Variants in OTUD7A observed in about 807,000 individuals in gnomAD.
OTUD7A encodes OTU deubiquitinase 7A.
A neutral mutation model predicts 65.7 loss-of-function variants in OTUD7A; 12 were observed. The observed-to-expected ratio is 0.18, with a 90% confidence interval of 0.12 to 0.30. The LOEUF (loss-of-function observed/expected upper bound fraction) is 0.30. Among genes scored for constraint, OTUD7A ranks in the 10% least tolerant of loss-of-function variants. The pLI is 1.00. For synonymous variants in OTUD7A, 641 were observed against 586.3 expected (o/e 1.09, Z -1.35); for missense variants, 1,148 against 1,304.8 (o/e 0.88, Z 1.85).
intron 5 of OTUD7A, among the ~76,000 whole-genome samples, chr15:31,544,667 T>C (rs370954856): frequency 1.3e-5 from 2 of 151,656 alleles, no homozygotes; most frequent in Non-Finnish European, 3.0e-5. Context: ...AAAAGATAAC[T>C]AAGGAAGAAA....
intron 1 of OTUD7A, among the ~76,000 whole-genome samples, chr15:31,765,048 A>G (rs1449897066): frequency 9.6e-6 from 1 of 104,168 alleles, no homozygotes; most frequent in Non-Finnish European, 2.7e-5. Flanking sequence ...CAGTTGCTAA[A>G]TAAATATCTT....
intron 5 of OTUD7A, among the ~76,000 whole-genome samples, chr15:31,544,866 T>A (rs533101616): frequency 6.6e-6 from 1 of 151,900 alleles, no homozygotes; most frequent in South Asian, 2.1e-4. Flanking sequence ...CAAGTGCACA[T>A]AGAATATTTA....
rs2041213268 is a variant in OTUD7A, at chr15:31,484,845, A to G, written c.1372-121T>C. On this transcript the variant is annotated intron_variant, in intron 12 of 12. Transcript: ENST00000307050. The surrounding 1 kb of genome is among the most constrained non-coding windows in gnomAD (Gnocchi z 4.5). ...TAGGGCCCTGGACCTTCACTGTCCCAGTCCCCACTGTCGCTCTGGTGACTG... is the reference window on the plus strand; with the variant it reads ...TAGGGCCCTGGACCTTCACTGTCCCGGTCCCCACTGTCGCTCTGGTGACTG... 1.1e-5 allele frequency: 16 copies of G among 1,458,150 alleles called. No individual in the cohort carries two copies. In the South Asian group the frequency reaches 2.0e-4, roughly 18 times the overall value. The allele number at this position is 1,458,150 out of a possible 1,614,324, so 90.3% of individuals were successfully genotyped here.
At chr15:31,572,884 CGAGTA>C (rs1889094308) in intron 3 of OTUD7A, among the ~76,000 whole-genome samples, 1 of 151,164 alleles carries the variant, frequency 6.6e-6, no homozygotes, top group African/African-American at 2.4e-5. Context: ...TGTTAGATAC[CGAGTA>C]TAGGTAAAAA....
At chr15:31,529,362 T>C (rs767778263) in intron 6 of OTUD7A, among the ~76,000 whole-genome samples, 18 of 152,158 alleles carry the variant, frequency 1.2e-4, no homozygotes, top group Admixed American at 1.3e-4. Flanking sequence ...ATTCTCAGAT[T>C]GTAAGGGAAA....
chr15:31,571,284 A>T (rs897305853), intron 3 of OTUD7A, among the ~76,000 whole-genome samples: 1 of 152,258 alleles, frequency 6.6e-6, no homozygotes, highest in Non-Finnish European at 1.5e-5. Context: ...AATAAAAATA[A>T]GCTCTCTTCT....
chr15:31,597,773 T>C (rs1889950253), intron 3 of OTUD7A, among the ~76,000 whole-genome samples: 1 of 147,714 alleles, frequency 6.8e-6, no homozygotes, highest in Non-Finnish European at 1.5e-5. Context: ...TTGGAGAAAC[T>C]GAATGACTTC....
intron 1 of OTUD7A, among the ~76,000 whole-genome samples, chr15:31,740,673 G>T (rs1449107679): frequency 6.6e-6 from 1 of 152,222 alleles, no homozygotes; most frequent in Non-Finnish European, 1.5e-5. Flanking sequence ...TACAAGAGGA[G>T]CTGGGTAGAG....
At chr15:31,548,708 A>C (rs1888216978) in intron 5 of OTUD7A, among the ~76,000 whole-genome samples, 1 of 152,204 alleles carries the variant, frequency 6.6e-6, no homozygotes, top group Non-Finnish European at 1.5e-5. Context: ...TCAAAAGCAT[A>C]GTTGCCATAG....
intron 1 of OTUD7A, among the ~76,000 whole-genome samples, chr15:31,765,465 T>A (rs1895072535): frequency 6.6e-6 from 1 of 152,176 alleles, no homozygotes; most frequent in Non-Finnish European, 1.5e-5. Context: ...CACAGCTCAG[T>A]TTTCAAAATT....
At chr15:31,592,602 G>T (rs1361340788) in intron 3 of OTUD7A, among the ~76,000 whole-genome samples, 1 of 151,620 alleles carries the variant, frequency 6.6e-6, no homozygotes, top group Non-Finnish European at 1.5e-5. Flanking sequence ...TATAAGTAGG[G>T]CCGCGCGGTG....
chr15:31,506,282 G>C (rs2041565258), intron 8 of OTUD7A, among the ~76,000 whole-genome samples: 1 of 151,234 alleles, frequency 6.6e-6, no homozygotes, highest in Non-Finnish European at 1.5e-5. Flanking sequence ...GGTCCTAATT[G>C]CTTAGCTATT....
In OTUD7A at chr15:31,511,041, C is replaced by T. The variant is rs188045679; in HGVS notation, c.894-7223G>A. Among the ~76,000 whole-genome samples, 55 of 13,842 alleles carry T rather than the reference C, an allele frequency of 4.0e-3. 20 individuals are homozygous for T. The African/African-American group carries it at 0.045, about 11-fold the overall frequency. The allele number at this position is 13,842 out of a possible 152,430, so 9.1% of individuals were successfully genotyped here. On this transcript the variant is annotated intron_variant, in intron 8 of 12. Coordinates refer to ENST00000307050, the MANE Select transcript of OTUD7A (RefSeq NM_001382637.1). Reference sequence around the variant, plus strand: ...TACATGTATATCTATATGTAACATACATGTATATCTATATGTAACATACAT... The same window carrying T: ...TACATGTATATCTATATGTAACATATATGTATATCTATATGTAACATACAT...
At chr15:31,803,536 G>A (rs1005580869) in intron 1 of OTUD7A, among the ~76,000 whole-genome samples, 4 of 152,164 alleles carry the variant, frequency 2.6e-5, no homozygotes, top group African/African-American at 9.7e-5. Flanking sequence ...TGAGAACACT[G>A]GGGGAAGCAC....
chr15:31,583,374 C>T (rs1314931542), intron 3 of OTUD7A, among the ~76,000 whole-genome samples: 1 of 152,172 alleles, frequency 6.6e-6, no homozygotes, highest in Non-Finnish European at 1.5e-5. Flanking sequence ...GAAGCACCTG[C>T]TTTGTAAATC....
intron 1 of OTUD7A, among the ~76,000 whole-genome samples, chr15:31,794,023 C>T (rs141973860): frequency 1.1e-3 from 163 of 152,300 alleles, no homozygotes; most frequent in African/African-American, 3.7e-3. Flanking sequence ...ATTTTAAAAA[C>T]CCTTCTACAT....
At chr15:31,839,495 A>T (rs976630292) in intron 1 of OTUD7A, among the ~76,000 whole-genome samples, 1 of 152,124 alleles carries the variant, frequency 6.6e-6, no homozygotes. Flanking sequence ...ATGTAACCTA[A>T]TTTGAGGTGG....
intron 3 of OTUD7A, among the ~76,000 whole-genome samples, chr15:31,588,486 C>A (rs1310835640): frequency 1.3e-5 from 2 of 152,188 alleles, no homozygotes; most frequent in Non-Finnish European, 2.9e-5. Flanking sequence ...ATGACAAATT[C>A]CATGCCCCTC....
In OTUD7A at chr15:31,484,830, G is replaced by T. The variant is rs2141062152; in HGVS notation, c.1372-106C>A. The stretch of plus-strand genomic sequence containing the variant: ...CTGTGTTGCCGAGGCTAGGGCCCTG[G>T]ACCTTCACTGTCCCAGTCCCCACTG... On this transcript the variant is annotated intron_variant, in intron 12 of 12. Transcript: ENST00000307050. This position sits in a 1 kb window ranked among gnomAD's most constrained non-coding sequence, Gnocchi z 4.5. 6.7e-7 allele frequency: 1 copy of T among 1,481,530 alleles called. No individual in the cohort carries two copies. Among genetic ancestry groups the T allele is most frequent in the East Asian group, 2.5e-5 (1 of 40,734 alleles). The allele number at this position is 1,481,530 out of a possible 1,614,324, so 91.8% of individuals were successfully genotyped here. A position where few individuals can be genotyped will look rare whatever the true frequency, so the allele number is the denominator to read the frequency against.
Sources: gnomAD v4.1 joint callset for allele counts (sites outside exome capture counted in the v4.1 genomes callset) on GRCh38, gnomAD v4.1.1 for gene constraint, Gnocchi (gnomAD v3.1) non-coding constraint, MANE v1.5 for transcripts, NCBI Gene and HGNC (gene_info 2026-07-23, HGNC 2026-07-21) for gene names.